AUTS2: variants seen among roughly 807,000 people sequenced by gnomAD.
AUTS2 encodes autism susceptibility gene 2 protein.
AUTS2 carries 17 observed loss-of-function variants against 112.4 expected under a neutral mutation model. That is an observed-to-expected ratio of 0.15 (90% CI 0.10 to 0.23). The LOEUF (loss-of-function observed/expected upper bound fraction) is 0.23, where lower values mean the gene tolerates loss of function less well. Among genes scored for constraint, AUTS2 ranks in the 10% least tolerant of loss-of-function variants. AUTS2 has a pLI of 1.00. For synonymous variants in AUTS2, 751 were observed against 702.7 expected (o/e 1.07, Z -1.09); for missense variants, 1,510 against 1,701.6 (o/e 0.89, Z 1.98).
chr7:70,763,528 TG>T (rs1285430396), intron 7 of AUTS2, among the ~76,000 whole-genome samples, 187 bp downstream of exon 7: 1 of 151,714 alleles, frequency 6.6e-6, no homozygotes, highest in African/African-American at 2.4e-5. Context: ...AAGGACAGGT[TG>T]GGATGGGTGG....
At chr7:70,547,185 A>G (rs553485255) in intron 5 of AUTS2, among the ~76,000 whole-genome samples, 1 of 152,286 alleles carries the variant, frequency 6.6e-6, no homozygotes, top group East Asian at 1.9e-4. Flanking sequence ...CAAGGCAGCC[A>G]CGAACCTATT....
intron 1 of AUTS2, among the ~76,000 whole-genome samples, chr7:69,843,001 A>T (rs1792046558): frequency 6.6e-6 from 1 of 152,104 alleles, no homozygotes; most frequent in Non-Finnish European, 1.5e-5. Context: ...TAGGCTGATA[A>T]TGGAGTATGT....
In AUTS2 at chr7:70,739,342, T is replaced by TC. The variant is rs1164320916; in HGVS notation, c.743-23526dup. 4.6e-3 allele frequency among the ~76,000 whole-genome samples: 678 copies of TC among 148,370 alleles called. 5 individuals carry two copies. Among genetic ancestry groups the TC allele is most frequent in the African/African-American group, 0.016 (633 of 39,930 alleles). On this transcript the variant is annotated intron_variant, in intron 6 of 18. Transcript: ENST00000342771. ...ACACCCCACTAATGTTGCCTTTTTTTCCTTTTTTTTTTTTTTTTGTAGAGA... is the reference window on the plus strand; with the variant it reads ...ACACCCCACTAATGTTGCCTTTTTTTCCCTTTTTTTTTTTTTTTTGTAGAGA...
At chr7:70,561,151 A>T (rs1801468513) in intron 5 of AUTS2, among the ~76,000 whole-genome samples, 1 of 152,074 alleles carries the variant, frequency 6.6e-6, no homozygotes. Context: ...TTCCTTTCTA[A>T]ATCTTAGCAT....
At chr7:70,402,038 A>G (rs952246137) in intron 4 of AUTS2, among the ~76,000 whole-genome samples, 2 of 152,216 alleles carry the variant, frequency 1.3e-5, no homozygotes, top group African/African-American at 4.8e-5. Context: ...GTAAGGTATT[A>G]AAAATCATTA....
intron 5 of AUTS2, among the ~76,000 whole-genome samples, chr7:70,444,447 G>C (rs1198040376): frequency 6.6e-6 from 1 of 151,546 alleles, no homozygotes; most frequent in South Asian, 2.1e-4. Flanking sequence ...ACAGATAAAT[G>C]CTCCTCAGAA....
chr7:69,944,392 G>A (rs7785360), intron 2 of AUTS2, among the ~76,000 whole-genome samples: 24,407 of 152,148 alleles, frequency 0.16, 2,001 homozygotes, highest in Middle Eastern at 0.21. Context: ...TAGACTCAGG[G>A]TCTCTTTCAG....
At chr7:70,192,030 G>T (rs1809925444) in intron 4 of AUTS2, among the ~76,000 whole-genome samples, 1 of 151,924 alleles carries the variant, frequency 6.6e-6, no homozygotes, top group African/African-American at 2.4e-5. Flanking sequence ...TTAAATGCCT[G>T]GATTTTGAAA....
intron 6 of AUTS2, among the ~76,000 whole-genome samples, chr7:70,731,134 T>C (rs949640347): frequency 2.6e-5 from 4 of 152,220 alleles, no homozygotes; most frequent in Non-Finnish European, 4.4e-5. Context: ...TTATACATTC[T>C]GGATCCTCGA....
At chr7:70,769,633 T>C (rs6460556) in intron 10 of AUTS2, among the ~76,000 whole-genome samples, 30,541 of 152,002 alleles carry the variant, frequency 0.2, 3,583 homozygotes, top group East Asian at 0.38. Flanking sequence ...TGCAGTGATC[T>C]GAGACGGCTC....
intron 5 of AUTS2, among the ~76,000 whole-genome samples, chr7:70,485,680 CATAT>C (rs1797965297): frequency 6.6e-6 from 1 of 152,136 alleles, no homozygotes; most frequent in African/African-American, 2.4e-5. Context: ...TCACGAGACT[CATAT>C]GTGTGTTTCC....
At chr7:69,893,836 G>T (rs1045952261) in intron 1 of AUTS2, among the ~76,000 whole-genome samples, 1 of 152,146 alleles carries the variant, frequency 6.6e-6, no homozygotes, top group African/African-American at 2.4e-5. Context: ...TCTGCTATTT[G>T]TTACTCTCCC....
intron 1 of AUTS2, among the ~76,000 whole-genome samples, chr7:69,834,975 T>C (rs1418574052): frequency 1.3e-5 from 2 of 151,976 alleles, no homozygotes; most frequent in African/African-American, 4.8e-5. Context: ...CTGTACTCCA[T>C]GCATCTGCCG....
At chr7:70,440,242 A>G (rs1307184309) in intron 5 of AUTS2, among the ~76,000 whole-genome samples, 4 of 151,650 alleles carry the variant, frequency 2.6e-5, no homozygotes, top group Non-Finnish European at 5.9e-5. Context: ...AAAAAAAAAA[A>G]AAAAAAATCT....
intron 4 of AUTS2, among the ~76,000 whole-genome samples, chr7:70,217,812 A>G (rs954312197): frequency 2.3e-4 from 35 of 152,234 alleles, no homozygotes; most frequent in African/African-American, 8.0e-4. Flanking sequence ...TGCTGCAACA[A>G]TGGACTTCTG....
intron 4 of AUTS2, among the ~76,000 whole-genome samples, chr7:70,236,047 T>C (rs1812311216): frequency 6.6e-6 from 1 of 152,186 alleles, no homozygotes; most frequent in Non-Finnish European, 1.5e-5. Flanking sequence ...CGATATAACA[T>C]TTTATATTCT....
At chr7:70,271,501 C>T (rs952884220) in intron 4 of AUTS2, among the ~76,000 whole-genome samples, 2 of 151,968 alleles carry the variant, frequency 1.3e-5, no homozygotes, top group African/African-American at 4.8e-5. Flanking sequence ...GATAAAAATA[C>T]CATGACAATT....
At chr7:70,281,262 G>A (rs1056585202) in intron 4 of AUTS2, among the ~76,000 whole-genome samples, 41 of 152,190 alleles carry the variant, frequency 2.7e-4, no homozygotes, top group African/African-American at 9.6e-4. Flanking sequence ...GCCTAGGCCT[G>A]TGTGAATGGC....
intron 4 of AUTS2, among the ~76,000 whole-genome samples, chr7:70,195,668 C>G (rs532430548): frequency 6.6e-6 from 1 of 152,198 alleles, no homozygotes; most frequent in South Asian, 2.1e-4. Flanking sequence ...AAAACAAAAC[C>G]AAAAGAATTC....
Sources: gnomAD v4.1 joint callset for allele counts (sites outside exome capture counted in the v4.1 genomes callset) on GRCh38, gnomAD v4.1.1 for gene constraint, MANE v1.5 for transcripts, NCBI Gene and HGNC (gene_info 2026-07-23, HGNC 2026-07-21) for gene names.